IDUA: variants seen among roughly 807,000 people sequenced by gnomAD.
The protein encoded by IDUA is iduronidase alpha-L-.
A neutral mutation model predicts 68.9 loss-of-function variants in IDUA; 65 were observed. The ratio of observed to expected loss-of-function variants is 0.94; its 90% CI spans 0.77 to 1.16. The LOEUF is 1.16. Ranked by LOEUF, IDUA falls within the 50% of genes most tolerant of loss-of-function variation. The probability of loss-of-function intolerance (pLI) is 0.00; values close to 1 mark genes in which losing one functional copy is unlikely to be tolerated. For missense variants in IDUA, 1,046 were observed against 938.0 expected (o/e 1.12, Z -1.50); for synonymous variants, 529 against 433.6 (o/e 1.22, Z -2.73).
At chr4:990,636 CGTTTT>C in intron 2 of IDUA, 1 of 495,786 alleles carries the variant, frequency 2.0e-6, no homozygotes, top group South Asian at 3.0e-5. Flanking sequence ...TGCAGCAGCC[CGTTTT>C]ATTTCAGAAT....
intron 2 of IDUA, chr4:991,925 C>A (rs1215223114): frequency 1.0e-6 from 1 of 988,306 alleles, no homozygotes; most frequent in Admixed American, 2.0e-5. Context: ...CTGCTGGATC[C>A]AGAATCCATC....
rs36084010 is a variant in IDUA at position 991,584 on chromosome 4, C to T, written c.299+3635C>T. On this transcript the variant is annotated intron_variant, in intron 2 of 13. Coordinates refer to ENST00000514224, the MANE Select transcript of IDUA (RefSeq NM_000203.5). Reference sequence around the variant, plus strand: ...GCGCCCGGACGCACAGCACACTGCACGAGCAGCTGCACCACAGCCTGGCCT... The same window carrying T: ...GCGCCCGGACGCACAGCACACTGCATGAGCAGCTGCACCACAGCCTGGCCT... The T allele has an allele frequency of 4.7e-3, 7,544 of 1,598,876 alleles. 278 individuals are homozygous for T. In the African/African-American group the frequency reaches 0.084, roughly 18 times the overall value.
At chr4:993,892 C>T (rs554258824) in intron 2 of IDUA, among the ~76,000 whole-genome samples, 6 of 152,234 alleles carry the variant, frequency 3.9e-5, no homozygotes, top group Non-Finnish European at 7.3e-5. Flanking sequence ...CTCGCGTAAG[C>T]CCTGTGTGTG....
intron 10 of IDUA, 28 bp downstream of exon 10, chr4:1,003,185 C>T (rs1268579259): frequency 9.3e-5 from 110 of 1,177,856 alleles, no homozygotes; most frequent in Non-Finnish European, 1.1e-4. Flanking sequence ...GGGCGAGGGG[C>T]CGGGCCGGGC....
chr4:1,002,723 G>A lies in IDUA; in HGVS notation c.1190-9G>A, dbSNP rs773374804. ...CCCCACGCGGCGACGGCCCCCCCCC[G>A]CCCCGCAGATGAGGAGCAGCTCTGG... On this transcript the variant is annotated splice_polypyrimidine_tract_variant and intron_variant, in intron 8 of 13. Transcript: ENST00000514224. 1.5e-6 allele frequency: 2 copies of A among 1,309,864 alleles called. No homozygotes were observed. Among genetic ancestry groups the A allele is most frequent in the South Asian group, 1.4e-5 (1 of 70,346 alleles). 81.1% of individuals were successfully genotyped at this position (1,309,864 alleles called of 1,614,324 possible). A position where few individuals can be genotyped will look rare whatever the true frequency, so the allele number is the denominator to read the frequency against.
chr4:987,778 C>G, intron 1 of IDUA, 31 bp from the exon 2 acceptor site: 10 of 1,611,082 alleles, frequency 6.2e-6, no homozygotes, highest in Non-Finnish European at 8.5e-6. Flanking sequence ...TGCTGAGGCT[C>G]GGGACTGAGC....
At chr4:1,001,904 C>T (rs980125024) in intron 6 of IDUA, 23 bp downstream of exon 6, 2 of 1,570,614 alleles carry the variant, frequency 1.3e-6, no homozygotes. Context: ...CCTCCGTCCG[C>T]CCCGGTGTTC....
intron 2 of IDUA, among the ~76,000 whole-genome samples, chr4:995,190 G>A (rs563754460): frequency 1.2e-4 from 19 of 152,036 alleles, no homozygotes; most frequent in African/African-American, 3.9e-4. Context: ...GACTACAGGC[G>A]TGTGCCACCA....
At chr4:997,145 C>G (rs1392751408) in intron 2 of IDUA, among the ~76,000 whole-genome samples, 1 of 152,200 alleles carries the variant, frequency 6.6e-6, no homozygotes, top group Non-Finnish European at 1.5e-5. Context: ...AGACCGGACC[C>G]GAGTTTATTC....
At chr4:991,031 C>G in intron 2 of IDUA, 2 of 1,270,490 alleles carry the variant, frequency 1.6e-6, no homozygotes, top group Non-Finnish European at 2.1e-6. Flanking sequence ...CCTCCTCTGC[C>G]AACCCTGTGC....
Position 1,002,853 on chromosome 4 carries a change from G to T in IDUA, c.1311G>T (p.Ala437=). 1 of 1,448,552 alleles carries T rather than the reference G, an allele frequency of 6.9e-7. No individual in the cohort carries two copies. Among genetic ancestry groups the T allele is most frequent in the South Asian group, 1.4e-5 (1 of 73,582 alleles). The allele number at this position is 1,448,552 out of a possible 1,614,324, so 89.7% of individuals were successfully genotyped here. A position where few individuals can be genotyped will look rare whatever the true frequency, so the allele number is the denominator to read the frequency against. Residue 437 remains alanine (A), a synonymous_variant, in exon 9 of 14, where the codon GCG becomes GCT. Coordinates refer to ENST00000514224, the MANE Select transcript of IDUA (RefSeq NM_000203.5). ...PQGPADAWRA[A]VLIYASDDTR... ...GCCCGGCCGACGCCTGGCGCGCCGC[G>T]GTGCTGATCTACGCGAGCGACGACA...
intron 2 of IDUA, among the ~76,000 whole-genome samples, chr4:993,102 C>T (rs1439375520): frequency 6.6e-6 from 1 of 152,110 alleles, no homozygotes; most frequent in Non-Finnish European, 1.5e-5. Flanking sequence ...CCCTGGAAGA[C>T]CCCACCACAC....
chr4:1,002,187 C>T (rs1173946538), intron 7 of IDUA, 26 bp downstream of exon 7: 5 of 1,560,096 alleles, frequency 3.2e-6, no homozygotes, highest in Non-Finnish European at 4.3e-6. Flanking sequence ...GCCCTGCGCG[C>T]CCCCCGGCCA....
At position 1,004,248 on chromosome 4, in the gene IDUA, C is replaced by T. The variant is rs749726061; in HGVS notation, c.1829-12C>T. ...CAGGTTCCGGTTGGCACACATGTCCCCTTGTCTCCAGACACAGGTGCTGTC... is the reference window on the plus strand; with the variant it reads ...CAGGTTCCGGTTGGCACACATGTCCTCTTGTCTCCAGACACAGGTGCTGTC... On this transcript the variant is annotated splice_polypyrimidine_tract_variant and intron_variant, in intron 13 of 13. Transcript: ENST00000514224. This position sits in a 1 kb window ranked among gnomAD's most constrained non-coding sequence, Gnocchi z 5.0. The T allele has an allele frequency of 6.2e-7, 1 of 1,609,466 alleles. No homozygotes were observed. The highest frequency in any genetic ancestry group is 1.3e-5 in the African/African-American group (1 of 74,874).
At chr4:998,490 C>T (rs989343371) in intron 2 of IDUA, among the ~76,000 whole-genome samples, 1 of 152,182 alleles carries the variant, frequency 6.6e-6, no homozygotes, top group Non-Finnish European at 1.5e-5. Context: ...GCCCCACGGG[C>T]AGCTGTGCTC....
chr4:998,783 A>AC (rs148444493), intron 2 of IDUA, among the ~76,000 whole-genome samples: 31,101 of 120,392 alleles, frequency 0.26, 3,663 homozygotes, highest in South Asian at 0.31. Context: ...CGACCCCCCG[A>AC]CCCCCCACCT....
intron 2 of IDUA, chr4:990,739 G>T: frequency 2.5e-6 from 1 of 396,398 alleles, no homozygotes; most frequent in Non-Finnish European, 4.6e-6. Flanking sequence ...GGAGCCAACG[G>T]GGGCCAAGGT....
At position 1,002,097 on chromosome 4, in the gene IDUA, T is replaced by C. The variant is rs1715121337; in HGVS notation, c.908T>C (p.Leu303Pro). 6.4e-7 allele frequency: 1 copy of C among 1,574,292 alleles called. No individual in the cohort carries two copies. The highest frequency in any genetic ancestry group is 1.3e-5 in the African/African-American group (1 of 74,342). The change falls in exon 7 of 14, where the codon CTG (leucine) becomes CCG (proline). Residue 303 changes from leucine (L) to proline (P), a missense_variant. Physicochemically the swap from Leu to Pro is moderately conservative, Grantham distance 98. Coordinates refer to ENST00000514224, the MANE Select transcript of IDUA (RefSeq NM_000203.5). ...ATTTACAACGACGAGGCGGACCCGC[T>C]GGTGGGCTGGTCCCTGCCACAGCCG... ...TPIYNDEADP[L>P]VGWSLPQPWR...
intron 2 of IDUA, among the ~76,000 whole-genome samples, chr4:994,464 G>A (rs903453474): frequency 3.5e-5 from 5 of 144,874 alleles, no homozygotes; most frequent in African/African-American, 1.3e-4. Flanking sequence ...TTGAGACGGA[G>A]TTTCGCTCTG....
Sources: allele counts gnomAD v4.1 joint callset (sites outside exome capture counted in the v4.1 genomes callset), GRCh38; gene constraint gnomAD v4.1.1; non-coding constraint Gnocchi (gnomAD v3.1); transcripts MANE v1.5; gene names NCBI Gene and HGNC (gene_info 2026-07-23, HGNC 2026-07-21).